ARHGAP8: variants seen among roughly 807,000 people sequenced by gnomAD.
ARHGAP8 encodes rho GTPase-activating protein 8.
A neutral mutation model predicts 46.1 loss-of-function variants in ARHGAP8; 62 were observed. The observed-to-expected ratio is 1.34, with a 90% confidence interval of 1.10 to 1.66. ARHGAP8 has a LOEUF of 1.66. Among genes scored for constraint, ARHGAP8 ranks in the 40% most tolerant of loss-of-function variants. The pLI is 0.00. For synonymous variants in ARHGAP8, 375 were observed against 243.1 expected (o/e 1.54, Z -5.05); for missense variants, 923 against 568.4 (o/e 1.62, Z -6.34).
intron 7 of ARHGAP8, among the ~76,000 whole-genome samples, chr22:44,838,204 C>T (rs1931418009): frequency 6.6e-6 from 1 of 151,034 alleles, no homozygotes; most frequent in East Asian, 2.0e-4. Context: ...ATGGCACGAT[C>T]TTGGCTCACT....
At chr22:44,816,239 C>G (rs982595727) in intron 5 of ARHGAP8, among the ~76,000 whole-genome samples, 12 of 152,174 alleles carry the variant, frequency 7.9e-5, no homozygotes. Flanking sequence ...GTGTGACGCT[C>G]CGTGTACAGG....
At chr22:44,754,418 C>T (rs1258246798) in intron 1 of ARHGAP8, among the ~76,000 whole-genome samples, 2 of 151,796 alleles carry the variant, frequency 1.3e-5, no homozygotes, top group South Asian at 2.1e-4. Flanking sequence ...TGCAATGGCA[C>T]GATCTCAGCT....
At chr22:44,803,193 T>A (rs1268389913) in intron 3 of ARHGAP8, among the ~76,000 whole-genome samples, 1 of 152,002 alleles carries the variant, frequency 6.6e-6, no homozygotes, top group Non-Finnish European at 1.5e-5. Context: ...AGGGGCCGAG[T>A]GAGGGGGTGC....
chr22:44,807,667 TA>T (rs1929029329), intron 3 of ARHGAP8, among the ~76,000 whole-genome samples: 1 of 152,122 alleles, frequency 6.6e-6, no homozygotes. Flanking sequence ...TGTGGTGGCG[TA>T]AAACCAGAAA....
intron 9 of ARHGAP8, among the ~76,000 whole-genome samples, chr22:44,848,557 G>A (rs2070017508): frequency 6.6e-6 from 1 of 152,234 alleles, no homozygotes; most frequent in Non-Finnish European, 1.5e-5. Context: ...CACAATCATG[G>A]AGCATCAGGT....
Position 44,824,314 on chromosome 22 carries a change from G to A in ARHGAP8, c.486-1169G>A, listed in dbSNP as rs187105992. Among the ~76,000 whole-genome samples the A allele has an allele frequency of 8.8e-3, 1,337 of 152,298 alleles. 19 individuals are homozygous for A. The highest frequency in any genetic ancestry group is 0.031 in the African/African-American group (1,279 of 41,534). On this transcript the variant is annotated intron_variant, in intron 6 of 11. Transcript: ENST00000356099. ...TGGGGAGCCACTTGGGGCGCAGAGCGCTGTGATTAACTCACAAAAAACAAC... is the reference window on the plus strand; with the variant it reads ...TGGGGAGCCACTTGGGGCGCAGAGCACTGTGATTAACTCACAAAAAACAAC...
At chr22:44,762,989 G>A (rs527894862) in intron 1 of ARHGAP8, among the ~76,000 whole-genome samples, 112 of 152,290 alleles carry the variant, frequency 7.4e-4, no homozygotes, top group Admixed American at 1.9e-3. Context: ...ACAACCTTTG[G>A]GGAGGGGAGA....
intron 11 of ARHGAP8, among the ~76,000 whole-genome samples, chr22:44,860,393 G>A (rs895770542): frequency 6.6e-6 from 1 of 152,036 alleles, no homozygotes; most frequent in Non-Finnish European, 1.5e-5. Context: ...CCCAGCTCCT[G>A]GTCACTCCAG....
At chr22:44,806,260 G>A (rs1928912000) in intron 3 of ARHGAP8, among the ~76,000 whole-genome samples, 1 of 152,230 alleles carries the variant, frequency 6.6e-6, no homozygotes, top group Non-Finnish European at 1.5e-5. Flanking sequence ...CCTTGGTGAA[G>A]TATGCCCCGG....
At chr22:44,814,397 C>G (rs572008789) in intron 4 of ARHGAP8, among the ~76,000 whole-genome samples, 88 of 152,198 alleles carry the variant, frequency 5.8e-4, no homozygotes, top group Non-Finnish European at 1.1e-3. Flanking sequence ...CCACCCCCGA[C>G]CCTGGTGTGA....
intron 2 of ARHGAP8, among the ~76,000 whole-genome samples, chr22:44,788,201 C>T (rs994809673): frequency 1.3e-5 from 2 of 152,056 alleles, no homozygotes; most frequent in African/African-American, 4.8e-5. Context: ...TTACTCTAAA[C>T]TCCACCTCCC....
chr22:44,808,416 G>A lies in ARHGAP8; in HGVS notation c.277G>A (p.Ala93Thr), dbSNP rs888639412. Residue 93 changes from alanine (A) to threonine (T), a missense_variant, in exon 4 of 12, where the codon GCA (alanine) becomes ACA (threonine). Coordinates refer to ENST00000356099, the MANE Select transcript of ARHGAP8 (RefSeq NM_181335.3). ...NKPSLGWLQS[A>T]YKEFDRKYKK... ...GCCTTCCCTGGGCTGGCTCCAGAGCGCATACAAGGAGTTCGATAGGAAGTA... is the reference window on the plus strand; with the variant it reads ...GCCTTCCCTGGGCTGGCTCCAGAGCACATACAAGGAGTTCGATAGGAAGTA... 13 of 1,614,036 alleles carry A rather than the reference G, an allele frequency of 8.1e-6. No individual in the cohort carries two copies. The African/African-American group carries it at 1.1e-4, about 13-fold the overall frequency.
chr22:44,834,610 CAATT>C (rs1258994527), intron 7 of ARHGAP8, among the ~76,000 whole-genome samples: 1 of 152,084 alleles, frequency 6.6e-6, no homozygotes, highest in East Asian at 1.9e-4. Context: ...CTATAAATGT[CAATT>C]AAGTCTACTT....
chr22:44,799,392 C>T (rs1212901008), intron 2 of ARHGAP8, among the ~76,000 whole-genome samples: 3 of 152,140 alleles, frequency 2.0e-5, no homozygotes, highest in African/African-American at 4.8e-5. Flanking sequence ...ATTGCGGATG[C>T]GGGGGGCAAC....
intron 5 of ARHGAP8, among the ~76,000 whole-genome samples, chr22:44,818,763 C>T (rs1929932425): frequency 6.6e-6 from 1 of 152,030 alleles, no homozygotes. Flanking sequence ...GTGGTGCAAT[C>T]ATGGCTCACT....
chr22:44,858,660 T>G (rs1367817618), intron 10 of ARHGAP8, among the ~76,000 whole-genome samples: 1 of 149,784 alleles, frequency 6.7e-6, no homozygotes, highest in Non-Finnish European at 1.5e-5. Context: ...CATGAGCCAC[T>G]GTGCCTGGCT....
intron 4 of ARHGAP8, among the ~76,000 whole-genome samples, chr22:44,810,337 G>A (rs948651551): frequency 1.3e-5 from 2 of 150,422 alleles, no homozygotes; most frequent in Non-Finnish European, 2.9e-5. Flanking sequence ...CACCTCCCAG[G>A]TTCAAGTGAT....
At chr22:44,847,518 T>C (rs1230997008) in intron 8 of ARHGAP8, among the ~76,000 whole-genome samples, 2 of 152,236 alleles carry the variant, frequency 1.3e-5, no homozygotes, top group African/African-American at 4.8e-5. Flanking sequence ...CATGTGCAGC[T>C]ACTGGCTGCT....
chr22:44,768,840 C>CTT lies in ARHGAP8; in HGVS notation c.-72+16227_-72+16228dup, dbSNP rs780509950. ...GTCCCTGTCGTGGAGGTGTGTTTTT[C>CTT]TTTTTTTTTTTTTTTCAAGACAGAG... On this transcript the variant is annotated intron_variant, in intron 1 of 11. Transcript: ENST00000356099. 8.1e-4 allele frequency among the ~76,000 whole-genome samples: 111 copies of CTT among 137,616 alleles called. 1 individual carries two copies. Among genetic ancestry groups the CTT allele is most frequent in the Non-Finnish European group, 1.4e-3 (89 of 63,684 alleles). The allele number at this position is 137,616 out of a possible 152,430, so 90.3% of individuals were successfully genotyped here. A position where few individuals can be genotyped will look rare whatever the true frequency, so the allele number is the denominator to read the frequency against.
Sources: gnomAD v4.1 joint callset for allele counts (sites outside exome capture counted in the v4.1 genomes callset) on GRCh38, gnomAD v4.1.1 for gene constraint, MANE v1.5 for transcripts, NCBI Gene and HGNC (gene_info 2026-07-23, HGNC 2026-07-21) for gene names.